Variants in CNOT4 observed in about 807,000 individuals in gnomAD.
The protein encoded by CNOT4 is CCR4-associated factor 4.
In CNOT4, 8 loss-of-function variants were observed where a neutral mutation model predicts 73.8. The ratio of observed to expected loss-of-function variants is 0.11; its 90% confidence interval spans 0.06 to 0.20. The LOEUF is 0.20. Ranked by LOEUF, CNOT4 falls within the 10% of genes least tolerant of loss-of-function variation. The pLI is 1.00. For missense variants in CNOT4, 564 were observed against 883.4 expected (o/e 0.64, Z 4.58); for synonymous variants, 293 against 321.1 (o/e 0.91, Z 0.94).
At chr7:135,474,276 A>ATTTTT (rs869203152) in intron 1 of CNOT4, among the ~76,000 whole-genome samples, 8 of 87,972 alleles carry the variant, frequency 9.1e-5, no homozygotes, top group South Asian at 3.7e-4. Context: ...CTGTGCCCAA[A>ATTTTT]TTTTTTTTTT....
In CNOT4 at chr7:135,376,126, C is replaced by CA. The variant is rs1282929938; in HGVS notation, c.1628-12061dup. On this transcript the variant is annotated intron_variant, in intron 10 of 11. Transcript: ENST00000541284. The stretch of plus-strand genomic sequence containing the variant: ...GAACACCACAATGCCAGAAAAGAAC[C>CA]AAAAAATGAATTATAACTCATATGC... Among the ~76,000 whole-genome samples the CA allele has an allele frequency of 2.0e-5, 3 of 151,632 alleles. 1 individual carries two copies. Among genetic ancestry groups the CA allele is most frequent in the South Asian group, 4.2e-4 (2 of 4,812 alleles).
chr7:135,397,475 CATT>C (rs1796757339), intron 8 of CNOT4, among the ~76,000 whole-genome samples: 1 of 151,912 alleles, frequency 6.6e-6, no homozygotes, highest in African/African-American at 2.4e-5. Context: ...TTTAGAAAAG[CATT>C]ATATTTTAGA....
At chr7:135,423,332 G>A (rs374170710) in intron 2 of CNOT4, among the ~76,000 whole-genome samples, 2 of 150,612 alleles carry the variant, frequency 1.3e-5, no homozygotes, top group African/African-American at 2.4e-5. Context: ...GAATACAAGA[G>A]TGGGGAACAA....
At chr7:135,503,387 C>G (rs1804129716) in intron 1 of CNOT4, among the ~76,000 whole-genome samples, 1 of 151,502 alleles carries the variant, frequency 6.6e-6, no homozygotes, top group African/African-American at 2.4e-5. Context: ...TGCTTGAACC[C>G]AGGAGTTCAA....
At chr7:135,413,756 G>T in intron 5 of CNOT4, 143 bp from the exon 6 acceptor site, 1 of 653,590 alleles carries the variant, frequency 1.5e-6, no homozygotes, top group Non-Finnish European at 2.5e-6. Flanking sequence ...AAATACTAGA[G>T]AACTAAACTC....
At chr7:135,397,368 A>T (rs1395726350) in intron 8 of CNOT4, among the ~76,000 whole-genome samples, 1 of 152,158 alleles carries the variant, frequency 6.6e-6, no homozygotes, top group Non-Finnish European at 1.5e-5. Context: ...ATCCTTTGCA[A>T]CTACTTTTAA....
At chr7:135,469,612 G>A (rs922384925) in intron 1 of CNOT4, among the ~76,000 whole-genome samples, 1 of 152,058 alleles carries the variant, frequency 6.6e-6, no homozygotes, top group East Asian at 1.9e-4. Context: ...GTCATTTATG[G>A]TATAGCCTTG....
intron 2 of CNOT4, among the ~76,000 whole-genome samples, chr7:135,431,037 G>A (rs956107666): frequency 3.1e-4 from 47 of 152,326 alleles, no homozygotes; most frequent in Admixed American, 1.0e-3. Flanking sequence ...GGACTGAGGT[G>A]GAAGGATGCT....
At chr7:135,454,824 T>C (rs973242394) in intron 1 of CNOT4, among the ~76,000 whole-genome samples, 2 of 151,916 alleles carry the variant, frequency 1.3e-5, no homozygotes, top group Admixed American at 6.6e-5. Context: ...GAGGAGGTTG[T>C]AGTGAGCCGA....
rs916991507 is a variant in CNOT4, at chr7:135,388,835, G to C, written c.1627+5083C>G. 1.3e-5 allele frequency: 21 copies of C among 1,613,030 alleles called. No homozygotes were observed. In the Admixed American group the frequency reaches 2.7e-4, roughly 20 times the overall value. Reference sequence around the variant, plus strand: ...TGGAGACTTGTAGGCTGCTGTCCTTGTTGTAATGAATGGGAAGAGGTTGAC... The same window carrying C: ...TGGAGACTTGTAGGCTGCTGTCCTTCTTGTAATGAATGGGAAGAGGTTGAC... On this transcript the variant is annotated intron_variant, in intron 10 of 11. Coordinates refer to ENST00000541284, the MANE Select transcript of CNOT4 (RefSeq NM_001190850.2).
At chr7:135,372,107 A>C (rs1795239313) in intron 10 of CNOT4, among the ~76,000 whole-genome samples, 1 of 152,226 alleles carries the variant, frequency 6.6e-6, no homozygotes, top group Non-Finnish European at 1.5e-5. Context: ...GAAGGTGTCA[A>C]CCACCCTAAC....
At chr7:135,392,831 G>C (rs1023506745) in intron 10 of CNOT4, among the ~76,000 whole-genome samples, 7 of 152,072 alleles carry the variant, frequency 4.6e-5, no homozygotes, top group Non-Finnish European at 7.4e-5. Context: ...AAGGGAACAG[G>C]GATAAAGAAC....
Position 135,451,767 on chromosome 7 carries a change from G to C in CNOT4, c.-92-13344C>G, listed in dbSNP as rs141735007. 3.7e-4 allele frequency among the ~76,000 whole-genome samples: 56 copies of C among 152,294 alleles called. No homozygotes were observed. In the Middle Eastern group the frequency reaches 0.014, roughly 37 times the overall value. On this transcript the variant is annotated intron_variant, in intron 1 of 11. Coordinates refer to ENST00000541284, the MANE Select transcript of CNOT4 (RefSeq NM_001190850.2). ...AACCTTATCTATGTGTTTTTGCAAA[G>C]AGACTATTTATGTATTTCTTCTATA...
chr7:135,391,915 C>T (rs761538744), intron 10 of CNOT4, among the ~76,000 whole-genome samples: 54 of 152,030 alleles, frequency 3.6e-4, no homozygotes, highest in Non-Finnish European at 5.4e-4. Flanking sequence ...TCCTATCATA[C>T]CAAGTCCATG....
intron 10 of CNOT4, among the ~76,000 whole-genome samples, chr7:135,391,491 C>T (rs200026366): frequency 4.6e-5 from 7 of 151,602 alleles, no homozygotes; most frequent in African/African-American, 7.3e-5. Flanking sequence ...AATAGTACAA[C>T]GATTCAGAAC....
chr7:135,502,816 C>CAAAAA (rs56358299), intron 1 of CNOT4, among the ~76,000 whole-genome samples: 2 of 59,154 alleles, frequency 3.4e-5, no homozygotes, highest in South Asian at 5.3e-4. Context: ...AACTCCATCT[C>CAAAAA]AAAAAAAAAA....
intron 1 of CNOT4, among the ~76,000 whole-genome samples, chr7:135,495,385 G>A (rs1585732836): frequency 1.3e-5 from 2 of 151,526 alleles, no homozygotes; most frequent in African/African-American, 2.4e-5. Flanking sequence ...CATACCTGTA[G>A]TCCCAGCTAC....
rs3841169 is a variant in CNOT4 at position 135,387,554 on chromosome 7, CT to C, written c.1627+6363del. ...TGTATTCACATTATCCCCTTTCATA[CT>C]TTTTTTTTTAACAAATTAAAGCATA... is the stretch of plus-strand genomic sequence containing the variant. On this transcript the variant is annotated intron_variant, in intron 10 of 11. Transcript: ENST00000541284. 1,680 of 901,076 alleles carry C rather than the reference CT, an allele frequency of 1.9e-3. 1 individual carries two copies. Among genetic ancestry groups the C allele is most frequent in the Middle Eastern group, 3.4e-3 (6 of 1,750 alleles). 55.8% of individuals were successfully genotyped at this position (901,076 alleles called of 1,614,324 possible). A position where few individuals can be genotyped will look rare whatever the true frequency, so the allele number is the denominator to read the frequency against.
At chr7:135,395,529 C>T in intron 9 of CNOT4, 105 bp downstream of exon 9, 2 of 1,283,616 alleles carry the variant, frequency 1.6e-6, no homozygotes, top group Non-Finnish European at 2.2e-6. Flanking sequence ...TAAAAGAGAA[C>T]AGAGAGGCAA....
Sources: allele counts gnomAD v4.1 joint callset (sites outside exome capture counted in the v4.1 genomes callset), GRCh38; gene constraint gnomAD v4.1.1; transcripts MANE v1.5; gene names NCBI Gene and HGNC (gene_info 2026-07-23, HGNC 2026-07-21).